Variants in GALNT17 observed in about 807,000 individuals in gnomAD.
The protein encoded by GALNT17 is polypeptide N-acetylgalactosaminyltransferase 17.
Under a neutral mutation model 63.7 loss-of-function variants are expected in GALNT17, and 29 were observed. The observed-to-expected ratio is 0.46, with a 90% CI of 0.34 to 0.62. GALNT17 has a LOEUF of 0.62. GALNT17 is among the 20% of genes least tolerant of loss of function. GALNT17 has a pLI of 0.01. For missense variants in GALNT17, 603 were observed against 799.6 expected (o/e 0.75, Z 2.97); for synonymous variants, 305 against 318.3 (o/e 0.96, Z 0.45).
intron 2 of GALNT17, among the ~76,000 whole-genome samples, chr7:71,358,007 G>A (rs902663657): frequency 1.3e-5 from 2 of 152,164 alleles, no homozygotes; most frequent in Admixed American, 1.3e-4. Flanking sequence ...ATAAAAGCTG[G>A]CCACCCCAGC....
At chr7:71,339,687 C>A (rs539934535) in intron 2 of GALNT17, among the ~76,000 whole-genome samples, 7 of 149,106 alleles carry the variant, frequency 4.7e-5, no homozygotes, top group Non-Finnish European at 7.4e-5. Flanking sequence ...GAGACTCTGT[C>A]TCAAAAAAAA....
intron 1 of GALNT17, among the ~76,000 whole-genome samples, chr7:71,314,886 AT>A (rs796165236): frequency 2.4e-4 from 36 of 152,266 alleles, no homozygotes; most frequent in African/African-American, 8.4e-4. Flanking sequence ...TCCAGCATTC[AT>A]TGAGAGCAAC....
At chr7:71,611,833 G>A (rs1790129946) in intron 6 of GALNT17, among the ~76,000 whole-genome samples, 1 of 151,996 alleles carries the variant, frequency 6.6e-6, no homozygotes, top group Non-Finnish European at 1.5e-5. Context: ...TAAAGGGATG[G>A]ATGGAAGAAA....
intron 1 of GALNT17, among the ~76,000 whole-genome samples, chr7:71,178,546 C>T (rs747978206): frequency 1.3e-5 from 2 of 152,022 alleles, no homozygotes; most frequent in Non-Finnish European, 2.9e-5. Flanking sequence ...TGATATTGTC[C>T]CACAGGTCTG....
chr7:71,573,853 A>G (rs923850103), intron 6 of GALNT17, among the ~76,000 whole-genome samples: 4 of 152,056 alleles, frequency 2.6e-5, no homozygotes, highest in Non-Finnish European at 5.9e-5. Flanking sequence ...AGTAGGCCCC[A>G]GTGTCTGTGG....
chr7:71,671,807 T>C (rs1291012237), intron 8 of GALNT17, among the ~76,000 whole-genome samples: 2 of 152,148 alleles, frequency 1.3e-5, no homozygotes, highest in East Asian at 3.9e-4. Context: ...GGGTGATCAC[T>C]TGAAGTCAGG....
intron 2 of GALNT17, among the ~76,000 whole-genome samples, chr7:71,356,501 G>A (rs914883608): frequency 1.3e-5 from 2 of 152,214 alleles, no homozygotes. Flanking sequence ...TCAGAGGAGG[G>A]TGAAGGGGAG....
At chr7:71,420,815 T>C (rs1389945397) in intron 4 of GALNT17, 93 bp from the exon 5 acceptor site, 8 of 1,476,784 alleles carry the variant, frequency 5.4e-6, no homozygotes, top group African/African-American at 1.4e-5. Flanking sequence ...AGCCCAGCCT[T>C]AAGTAGCTAA....
At chr7:71,172,131 A>G (rs1057234589) in intron 1 of GALNT17, among the ~76,000 whole-genome samples, 8 of 152,150 alleles carry the variant, frequency 5.3e-5, no homozygotes, top group African/African-American at 1.9e-4. Context: ...GAGGAGGGCG[A>G]AGAAGTGAGA....
intron 2 of GALNT17, among the ~76,000 whole-genome samples, chr7:71,370,745 G>C (rs1222508190): frequency 6.6e-6 from 1 of 152,076 alleles, no homozygotes; most frequent in Admixed American, 6.6e-5. Context: ...TGGGATTACA[G>C]GTGTGAGCCA....
chr7:71,427,854 A>C (rs370773190), intron 5 of GALNT17, among the ~76,000 whole-genome samples: 9 of 152,098 alleles, frequency 5.9e-5, no homozygotes. Context: ...TAGGAGCACA[A>C]ATCCTATTGT....
chr7:71,403,597 A>G (rs1793276660), intron 3 of GALNT17, among the ~76,000 whole-genome samples: 1 of 152,222 alleles, frequency 6.6e-6, no homozygotes, highest in Non-Finnish European at 1.5e-5. Flanking sequence ...CATTTCCTGT[A>G]AGCAGGCATG....
chr7:71,563,364 T>C (rs1789287069), intron 5 of GALNT17, among the ~76,000 whole-genome samples: 1 of 152,084 alleles, frequency 6.6e-6, no homozygotes, highest in Non-Finnish European at 1.5e-5. Context: ...CGTGCTTTGC[T>C]CCTGATTGTC....
chr7:71,162,119 C>CCTT (rs1562875664), intron 1 of GALNT17, among the ~76,000 whole-genome samples: 89 of 34,480 alleles, frequency 2.6e-3, no homozygotes, highest in African/African-American at 9.7e-3. Flanking sequence ...CTCCCTCCCT[C>CCTT]CCTCCCTTCC....
At chr7:71,336,761 C>G (rs1791916086) in intron 2 of GALNT17, among the ~76,000 whole-genome samples, 2 of 152,124 alleles carry the variant, frequency 1.3e-5, no homozygotes, top group Admixed American at 6.6e-5. Context: ...TAGGTTGATT[C>G]CATTTCTTTG....
intron 5 of GALNT17, among the ~76,000 whole-genome samples, chr7:71,500,144 A>G (rs1788157332): frequency 6.6e-6 from 1 of 152,166 alleles, no homozygotes; most frequent in Non-Finnish European, 1.5e-5. Context: ...ACACTCGTCC[A>G]TCCCAATTGA....
intron 1 of GALNT17, among the ~76,000 whole-genome samples, chr7:71,205,896 A>G (rs1480296146): frequency 1.3e-5 from 2 of 152,180 alleles, no homozygotes; most frequent in East Asian, 3.9e-4. Flanking sequence ...ACAATTTGCT[A>G]TGATAGATTA....
chr7:71,190,178 T>C (rs1788926134), intron 1 of GALNT17, among the ~76,000 whole-genome samples: 1 of 152,174 alleles, frequency 6.6e-6, no homozygotes, highest in African/African-American at 2.4e-5. Flanking sequence ...AGCTGATCTT[T>C]AAGAAAAAAG....
chr7:71,198,220 T>C (rs1430917344), intron 1 of GALNT17, among the ~76,000 whole-genome samples: 7 of 143,838 alleles, frequency 4.9e-5, no homozygotes, highest in Admixed American at 2.1e-4. Flanking sequence ...AAAAAAAGGA[T>C]GCAAATACCA....
Sources: gnomAD v4.1 joint callset for allele counts (sites outside exome capture counted in the v4.1 genomes callset) on GRCh38, gnomAD v4.1.1 for gene constraint, MANE v1.5 for transcripts, NCBI Gene and HGNC (gene_info 2026-07-23, HGNC 2026-07-21) for gene names.